Variants in CUEDC1 observed in about 807,000 individuals in gnomAD.
CUEDC1 encodes CUE domain containing 1.
A neutral mutation model predicts 43.7 loss-of-function variants in CUEDC1; 30 were observed. The ratio of observed to expected loss-of-function variants is 0.69; its 90% CI spans 0.51 to 0.93. CUEDC1 has a LOEUF of 0.93. Among genes scored for constraint, CUEDC1 ranks in the 40% least tolerant of loss-of-function variants. The pLI is 0.00. For missense variants in CUEDC1, 486 were observed against 549.0 expected (o/e 0.89, Z 1.15); for synonymous variants, 223 against 223.6 (o/e 1.00, Z 0.02).
intron 1 of CUEDC1, among the ~76,000 whole-genome samples, chr17:57,914,031 C>G (rs1205379215): frequency 1.3e-5 from 2 of 152,208 alleles, no homozygotes; most frequent in African/African-American, 4.8e-5. Context: ...CACATGTTCT[C>G]ACGATTGCCA....
At chr17:57,939,858 A>T (rs2143201886) in intron 1 of CUEDC1, among the ~76,000 whole-genome samples, 1 of 152,258 alleles carries the variant, frequency 6.6e-6, no homozygotes, top group East Asian at 1.9e-4. Flanking sequence ...CCTGGTGCAC[A>T]TCCACAGCAG....
intron 9 of CUEDC1, 97 bp downstream of exon 9, chr17:57,867,260 G>A: frequency 8.7e-7 from 1 of 1,149,414 alleles, no homozygotes. Context: ...GTTCCTCCAG[G>A]GGACAGGGCG....
intron 1 of CUEDC1, among the ~76,000 whole-genome samples, chr17:57,899,846 C>T (rs1293369892): frequency 6.6e-6 from 1 of 152,186 alleles, no homozygotes; most frequent in African/African-American, 2.4e-5. Context: ...CTCGCTAGTG[C>T]GCACTGACAG....
intron 1 of CUEDC1, among the ~76,000 whole-genome samples, chr17:57,889,199 C>G (rs76343382): frequency 0.021 from 3,272 of 152,326 alleles, 82 homozygotes; most frequent in South Asian, 0.11. Context: ...ATAAGATAAT[C>G]CTCAGCACAC....
At position 57,873,728 on chromosome 17, in the gene CUEDC1, G is replaced by A. The variant is rs1395454522; in HGVS notation, c.465-11C>T. 1.3e-6 allele frequency: 2 copies of A among 1,559,148 alleles called. No homozygotes were observed. Among genetic ancestry groups the A allele is most frequent in the South Asian group, 2.4e-5 (2 of 84,756 alleles). ...CCCAGCGCGTCGATACTAGGGGATG[G>A]CAGGTGACAGGGAAGAGGAAGTCAT... is the stretch of plus-strand genomic sequence containing the variant. On this transcript the variant is annotated splice_polypyrimidine_tract_variant and intron_variant, in intron 3 of 10. Transcript: ENST00000577830.
At chr17:57,889,858 C>A (rs1199548351) in intron 1 of CUEDC1, among the ~76,000 whole-genome samples, 7 of 152,200 alleles carry the variant, frequency 4.6e-5, no homozygotes, top group Non-Finnish European at 1.0e-4. Context: ...CCCTCTCTCC[C>A]CCTGGCTAAG....
At chr17:57,876,450 G>A (rs1026566387) in intron 3 of CUEDC1, among the ~76,000 whole-genome samples, 4 of 152,116 alleles carry the variant, frequency 2.6e-5, no homozygotes, top group African/African-American at 4.8e-5. Flanking sequence ...CCCTGCCCCC[G>A]TGTCTTCGGC....
chr17:57,871,464 T>C (rs2074033850), intron 5 of CUEDC1, 95 bp from the exon 6 acceptor site: 2 of 973,314 alleles, frequency 2.1e-6, no homozygotes, highest in African/African-American at 3.2e-5. Context: ...AGAGGCTAAG[T>C]CCCCAGAATC....
chr17:57,928,439 C>T (rs2074770062), intron 1 of CUEDC1, among the ~76,000 whole-genome samples: 1 of 151,042 alleles, frequency 6.6e-6, no homozygotes, highest in African/African-American at 2.4e-5. Context: ...GTCCCAGCTA[C>T]TCGGGAGGCT....
intron 1 of CUEDC1, among the ~76,000 whole-genome samples, chr17:57,937,973 T>A (rs954566042): frequency 6.6e-6 from 1 of 151,328 alleles, no homozygotes; most frequent in African/African-American, 2.5e-5. Flanking sequence ...AGCCAAAAAA[T>A]AAAATAAAAT....
intron 1 of CUEDC1, among the ~76,000 whole-genome samples, chr17:57,950,720 G>A (rs1350636246): frequency 6.6e-5 from 10 of 152,100 alleles, no homozygotes; most frequent in African/African-American, 7.2e-5. Flanking sequence ...TGATCCGCCC[G>A]CCTCGGCCTC....
In CUEDC1 at chr17:57,918,999, G is replaced by A. The variant is rs563681143; in HGVS notation, c.-315-33120C>T. On this transcript the variant is annotated intron_variant, in intron 1 of 10. Coordinates refer to ENST00000577830, the MANE Select transcript of CUEDC1 (RefSeq NM_001271875.2). ...CTCCCCAGTAGCTGGGATTACAGGCGCCTGCCACCACGCCCAGCTAATTTT... is the reference window on the plus strand; with the variant it reads ...CTCCCCAGTAGCTGGGATTACAGGCACCTGCCACCACGCCCAGCTAATTTT... 7.3e-4 allele frequency among the ~76,000 whole-genome samples: 103 copies of A among 141,790 alleles called. 1 individual carries two copies. Among genetic ancestry groups the A allele is most frequent in the African/African-American group, 2.3e-3 (88 of 37,810 alleles). The allele number at this position is 141,790 out of a possible 152,430, so 93.0% of individuals were successfully genotyped here.
chr17:57,869,105 G>A lies in CUEDC1; in HGVS notation c.940+17C>T, dbSNP rs1229491680. 6.2e-7 allele frequency: 1 copy of A among 1,613,182 alleles called. No individual in the cohort carries two copies. Among genetic ancestry groups the A allele is most frequent in the Non-Finnish European group, 8.5e-7 (1 of 1,179,524 alleles). On this transcript the variant is annotated intron_variant, in intron 7 of 10. Coordinates refer to ENST00000577830, the MANE Select transcript of CUEDC1 (RefSeq NM_001271875.2). ...CAGAAAAGCTGGGGAGGGAAGCGGG[G>A]CCTGAGTGGGACTCACACTTTCCCA...
intron 3 of CUEDC1, among the ~76,000 whole-genome samples, chr17:57,877,884 CAAAAAAA>C (rs59469013): frequency 1.1e-5 from 1 of 89,570 alleles, no homozygotes; most frequent in African/African-American, 4.1e-5. Context: ...GACTCCGACT[CAAAAAAA>C]AAAAAAAAAA....
intron 2 of CUEDC1, among the ~76,000 whole-genome samples, chr17:57,885,026 C>T (rs1172170731): frequency 1.3e-5 from 2 of 152,266 alleles, no homozygotes; most frequent in East Asian, 1.9e-4. Context: ...TGCATGATTT[C>T]TGCCCATAAA....
At chr17:57,876,526 T>A (rs1172167795) in intron 3 of CUEDC1, among the ~76,000 whole-genome samples, 1 of 152,158 alleles carries the variant, frequency 6.6e-6, no homozygotes, top group Non-Finnish European at 1.5e-5. Context: ...CACCTCCACA[T>A]CACACACATG....
At chr17:57,876,271 G>A (rs1018690663) in intron 3 of CUEDC1, among the ~76,000 whole-genome samples, 1 of 152,110 alleles carries the variant, frequency 6.6e-6, no homozygotes, top group South Asian at 2.1e-4. Flanking sequence ...AGCCTCACCC[G>A]CCGTTAGGTA....
intron 1 of CUEDC1, among the ~76,000 whole-genome samples, chr17:57,920,422 A>C (rs1230963461): frequency 6.6e-6 from 1 of 152,174 alleles, no homozygotes. Flanking sequence ...ATGCACACAC[A>C]CACACACAGC....
intron 1 of CUEDC1, among the ~76,000 whole-genome samples, chr17:57,945,010 C>T (rs1402975965): frequency 2.0e-5 from 3 of 152,212 alleles, no homozygotes; most frequent in South Asian, 2.1e-4. Flanking sequence ...CAGACAAAAA[C>T]GGCTCCCTTG....
Sources: gnomAD v4.1 joint callset for allele counts (sites outside exome capture counted in the v4.1 genomes callset) on GRCh38, gnomAD v4.1.1 for gene constraint, MANE v1.5 for transcripts, NCBI Gene and HGNC (gene_info 2026-07-23, HGNC 2026-07-21) for gene names.